Variants in BAIAP2L1 observed in about 807,000 individuals in gnomAD.
BAIAP2L1 encodes BAR/IMD domain-containing adapter protein 2-like 1.
A neutral mutation model predicts 66.3 loss-of-function variants in BAIAP2L1; 35 were observed. That is an observed-to-expected ratio of 0.53 (90% confidence interval 0.40 to 0.70). The LOEUF is 0.70. Ranked by LOEUF, BAIAP2L1 falls within the 30% of genes least tolerant of loss-of-function variation. The probability of loss-of-function intolerance (pLI) is 0.00; values close to 1 mark genes in which losing one functional copy is unlikely to be tolerated. For missense variants in BAIAP2L1, 622 were observed against 656.9 expected, an observed-to-expected ratio of 0.95 and a Z score of 0.58; for synonymous variants, 269 against 248.7, an observed-to-expected ratio of 1.08 and a Z score of -0.77.
chr7:98,352,300 A>C (rs1197797750), intron 3 of BAIAP2L1, among the ~76,000 whole-genome samples: 1 of 152,220 alleles, frequency 6.6e-6, no homozygotes, highest in Non-Finnish European at 1.5e-5. Context: ...GGACAGCTTG[A>C]AACTAAATAA....
intron 3 of BAIAP2L1, among the ~76,000 whole-genome samples, chr7:98,349,345 T>C (rs1801948625): frequency 6.6e-6 from 1 of 152,072 alleles, no homozygotes; most frequent in Non-Finnish European, 1.5e-5. Context: ...TGGAAGCACG[T>C]GGCGCAAGGG....
At chr7:98,345,682 A>G (rs1801856469) in intron 3 of BAIAP2L1, among the ~76,000 whole-genome samples, 1 of 152,132 alleles carries the variant, frequency 6.6e-6, no homozygotes, top group African/African-American at 2.4e-5. Context: ...CCGAGATCGC[A>G]CCACTGCACT....
At chr7:98,305,465 G>A (rs192115065) in intron 11 of BAIAP2L1, among the ~76,000 whole-genome samples, 6 of 152,278 alleles carry the variant, frequency 3.9e-5, no homozygotes, top group Non-Finnish European at 5.9e-5. Flanking sequence ...ATGCAACGTC[G>A]GACCTGGAGG....
chr7:98,348,454 C>T (rs1178128997), intron 3 of BAIAP2L1, among the ~76,000 whole-genome samples: 2 of 151,364 alleles, frequency 1.3e-5, no homozygotes, highest in African/African-American at 4.9e-5. Flanking sequence ...ATAACCCCAG[C>T]TACTCAGGAG....
chr7:98,334,103 A>G (rs999184590), intron 3 of BAIAP2L1, among the ~76,000 whole-genome samples: 1 of 152,244 alleles, frequency 6.6e-6, no homozygotes, highest in African/African-American at 2.4e-5. Context: ...TAAAATGTTA[A>G]TATGAAATGA....
At chr7:98,358,753 G>A (rs1401906985) in intron 2 of BAIAP2L1, among the ~76,000 whole-genome samples, 1 of 152,070 alleles carries the variant, frequency 6.6e-6, no homozygotes, top group Non-Finnish European at 1.5e-5. Flanking sequence ...GTTTCATTGG[G>A]TGAACATTCT....
intron 2 of BAIAP2L1, among the ~76,000 whole-genome samples, chr7:98,358,698 G>A (rs1463071605): frequency 6.6e-6 from 1 of 152,000 alleles, no homozygotes; most frequent in African/African-American, 2.4e-5. Flanking sequence ...CATCAGTCTA[G>A]ACCAATCTAT....
At position 98,364,138 on chromosome 7, in the gene BAIAP2L1, T is replaced by G. The variant is rs372890488; in HGVS notation, c.52-1706A>C. On this transcript the variant is annotated intron_variant, in intron 1 of 13. Coordinates refer to ENST00000005260, the MANE Select transcript of BAIAP2L1 (RefSeq NM_018842.5). ...CTCTTCCTTTCCAATGGACTTTCTA[T>G]GCAATTAGATGGCAATTTGCTGATG... Among the ~76,000 whole-genome samples, 6 of 152,198 alleles carry G rather than the reference T, an allele frequency of 3.9e-5. No individual in the cohort carries two copies. The East Asian group carries it at 1.2e-3, about 29-fold the overall frequency.
intron 3 of BAIAP2L1, among the ~76,000 whole-genome samples, chr7:98,347,976 G>A (rs1801912239): frequency 6.6e-6 from 1 of 151,950 alleles, no homozygotes; most frequent in South Asian, 2.1e-4. Flanking sequence ...ATCACACACC[G>A]GGGCCTGTTG....
At chr7:98,346,895 G>A (rs1410521536) in intron 3 of BAIAP2L1, among the ~76,000 whole-genome samples, 1 of 152,130 alleles carries the variant, frequency 6.6e-6, no homozygotes, top group Non-Finnish European at 1.5e-5. Context: ...CTGGATGAAC[G>A]GCCACAGGAA....
At chr7:98,399,753 CTCTG>C (rs886889526) in intron 1 of BAIAP2L1, among the ~76,000 whole-genome samples, 62 of 152,354 alleles carry the variant, frequency 4.1e-4, no homozygotes, top group African/African-American at 1.4e-3. Flanking sequence ...AATCCTAAGT[CTCTG>C]TCTGTGTCTG....
chr7:98,323,891 T>G (rs1801312916), intron 3 of BAIAP2L1, among the ~76,000 whole-genome samples: 2 of 152,250 alleles, frequency 1.3e-5, no homozygotes, highest in African/African-American at 4.8e-5. Context: ...AAACACCCTT[T>G]ATGTTCAATC....
intron 1 of BAIAP2L1, among the ~76,000 whole-genome samples, chr7:98,391,920 T>C (rs181377431): frequency 1.3e-5 from 2 of 152,114 alleles, no homozygotes; most frequent in Non-Finnish European, 2.9e-5. Flanking sequence ...TAGTTATTAA[T>C]AGGCATGAAA....
chr7:98,330,484 C>T (rs979542592), intron 3 of BAIAP2L1, among the ~76,000 whole-genome samples: 1 of 151,832 alleles, frequency 6.6e-6, no homozygotes, highest in Non-Finnish European at 1.5e-5. Flanking sequence ...ATGATGAAAC[C>T]CTGTCTCTAC....
chr7:98,297,907 A>G (rs1009450807), intron 12 of BAIAP2L1, among the ~76,000 whole-genome samples: 1 of 152,206 alleles, frequency 6.6e-6, no homozygotes, highest in Non-Finnish European at 1.5e-5. Context: ...ATACTTCCTC[A>G]CTTGGAACTG....
chr7:98,335,170 A>G (rs1248377898), intron 3 of BAIAP2L1, among the ~76,000 whole-genome samples: 2 of 148,790 alleles, frequency 1.3e-5, no homozygotes, highest in African/African-American at 4.9e-5. Flanking sequence ...AAAAAAAAAA[A>G]AAAAAAAAAT....
At chr7:98,335,862 G>C (rs1341248429) in intron 3 of BAIAP2L1, among the ~76,000 whole-genome samples, 2 of 152,120 alleles carry the variant, frequency 1.3e-5, no homozygotes, top group African/African-American at 2.4e-5. Flanking sequence ...AGGTTTTACA[G>C]AAGGGCTTGT....
rs1801040918 is a variant in BAIAP2L1 at position 98,315,492 on chromosome 7, A to T, written c.607T>A (p.Phe203Ile). 2.0e-6 allele frequency: 3 copies of T among 1,507,972 alleles called. No homozygotes were observed. The highest frequency in any genetic ancestry group is 8.9e-7 in the Non-Finnish European group (1 of 1,122,990). The allele number at this position is 1,507,972 out of a possible 1,614,324, so 93.4% of individuals were successfully genotyped here. Residue 203 changes from phenylalanine (F) to isoleucine (I), a missense_variant, in exon 7 of 14, where the codon TTT becomes ATT. Physicochemically the swap from Phe to Ile is conservative, Grantham distance 21. Transcript: ENST00000005260. ...FCFLVDKHCG[F>I]ANHIHYYHLQ... ...TGATAATAATGTATGTGGTTTGCAA[A>T]GCCACAGTGCTTATCAACCAGAAAG...
chr7:98,345,040 A>C (rs1414613209), intron 3 of BAIAP2L1, among the ~76,000 whole-genome samples: 3 of 152,210 alleles, frequency 2.0e-5, no homozygotes, highest in African/African-American at 4.8e-5. Context: ...TTCCAATGGC[A>C]AAACTTTTAC....
Sources: gnomAD v4.1 joint callset for allele counts (sites outside exome capture counted in the v4.1 genomes callset) on GRCh38, gnomAD v4.1.1 for gene constraint, MANE v1.5 for transcripts, NCBI Gene and HGNC (gene_info 2026-07-23, HGNC 2026-07-21) for gene names.